The following PPFIA4 variants were observed in gnomAD, a reference collection of about 807,000 sequenced individuals.
PPFIA4 encodes the protein liprin-alpha-4.
Under a neutral mutation model 145.7 loss-of-function variants are expected in PPFIA4, and 98 were observed. The ratio of observed to expected loss-of-function variants is 0.67; its 90% confidence interval spans 0.57 to 0.80. The LOEUF is 0.80. Among genes scored for constraint, PPFIA4 ranks in the 30% least tolerant of loss-of-function variants. The pLI is 0.00. For missense variants in PPFIA4, 1,457 were observed against 1,632.7 expected (o/e 0.89, Z 1.85); for synonymous variants, 628 against 649.6 (o/e 0.97, Z 0.51).
intron 25 of PPFIA4, among the ~76,000 whole-genome samples, chr1:203,066,655 T>A (rs1461465997): frequency 2.8e-4 from 42 of 152,236 alleles, no homozygotes; most frequent in Non-Finnish European, 4.4e-5. Flanking sequence ...GAGCGTGGAC[T>A]GATGGCCTCC....
At chr1:203,074,568 A>G (rs1662389636) in intron 28 of PPFIA4, among the ~76,000 whole-genome samples, 1 of 152,042 alleles carries the variant, frequency 6.6e-6, no homozygotes, top group Admixed American at 6.5e-5. Flanking sequence ...AGAGCATTTG[A>G]CCCACTTGGC....
Position 203,051,559 on chromosome 1 carries a change from C to A in PPFIA4, c.1512-210C>A, listed in dbSNP as rs538749149. 6 of 924,802 alleles carry A rather than the reference C, an allele frequency of 6.5e-6. No homozygotes were observed. In the African/African-American group the frequency reaches 1.0e-4, roughly 16 times the overall value. 57.3% of individuals were successfully genotyped at this position (924,802 alleles called of 1,614,324 possible). On this transcript the variant is annotated intron_variant, in intron 13 of 29. Transcript: ENST00000295706. ...GAAAACCGCTCTCTGGAACTTTCTC[C>A]CCTGGCTCATTCTGACCCCTGGAGC...
At chr1:203,070,838 C>T (rs537170553) in intron 27 of PPFIA4, among the ~76,000 whole-genome samples, 7 of 152,288 alleles carry the variant, frequency 4.6e-5, no homozygotes, top group African/African-American at 1.4e-4. Context: ...CCATGGTTTA[C>T]ATGCTTACTT....
chr1:203,034,754 C>T (rs1401645249), intron 1 of PPFIA4: 1 of 455,280 alleles, frequency 2.2e-6, no homozygotes, highest in African/African-American at 2.0e-5. Flanking sequence ...GGGGAGCTGT[C>T]CTCCGGCTGC....
At chr1:203,051,634 T>G in intron 13 of PPFIA4, 135 bp from the exon 14 acceptor site, 1 of 1,444,666 alleles carries the variant, frequency 6.9e-7, no homozygotes. Flanking sequence ...CTTCAGACAT[T>G]TGTGACAGCT....
At chr1:203,076,139 C>T (rs1297330053) in intron 29 of PPFIA4, 3 of 637,056 alleles carry the variant, frequency 4.7e-6, no homozygotes, top group African/African-American at 1.8e-5. Context: ...CACGCACCTG[C>T]CCTTGGCTGC....
intron 24 of PPFIA4, among the ~76,000 whole-genome samples, chr1:203,061,979 C>T (rs1396587859): frequency 2.0e-5 from 3 of 152,118 alleles, no homozygotes; most frequent in Non-Finnish European, 4.4e-5. Flanking sequence ...GAGTCTTCTT[C>T]CTCTCCCTGT....
At chr1:203,032,430 T>TTTTTTTTTTTTGTTG (rs57892403) in intron 1 of PPFIA4, among the ~76,000 whole-genome samples, 1 of 139,378 alleles carries the variant, frequency 7.2e-6, no homozygotes, top group Non-Finnish European at 1.5e-5. Flanking sequence ...TCCCCGCTTT[T>TTTTTTTTTTTTGTTG]TTGTTGTTGT....
Position 203,048,914 on chromosome 1 carries a change from C to T in PPFIA4, c.1357-4C>T, listed in dbSNP as rs746212113. Reference sequence around the variant, plus strand: ...GGGCCTGGCTCACAGCTGCTCTCCCCCAGAACACGTTGATCCAGGAGTTGG... The same window carrying T: ...GGGCCTGGCTCACAGCTGCTCTCCCTCAGAACACGTTGATCCAGGAGTTGG... On this transcript the variant is annotated splice_region_variant and splice_polypyrimidine_tract_variant and intron_variant, in intron 11 of 29. Coordinates refer to ENST00000295706, the MANE Select transcript of PPFIA4 (RefSeq NM_001304331.2). This position sits in a 1 kb window ranked among gnomAD's most constrained non-coding sequence, Gnocchi z 5.8. 1 of 1,548,236 alleles carries T rather than the reference C, an allele frequency of 6.5e-7. No individual in the cohort carries two copies.
In PPFIA4 at chr1:203,075,322, C is replaced by T. The variant is rs1662443078; in HGVS notation, c.3394-255C>T. ...TTCAACTGCAGGATGGCAGACCCAA[C>T]AAGACTCTCCCCCGCCCCACACACC... On this transcript the variant is annotated intron_variant, in intron 28 of 29. Coordinates refer to ENST00000295706, the MANE Select transcript of PPFIA4 (RefSeq NM_001304331.2). This position sits in a 1 kb window ranked among gnomAD's most constrained non-coding sequence, Gnocchi z 4.1. Among the ~76,000 whole-genome samples, 1 of 152,162 alleles carries T rather than the reference C, an allele frequency of 6.6e-6. No homozygotes were observed. The highest frequency in any genetic ancestry group is 2.4e-5 in the African/African-American group (1 of 41,426).
chr1:203,063,894 C>T lies in PPFIA4; in HGVS notation c.2941C>T (p.Pro981Ser). The T allele has an allele frequency of 6.2e-7, 1 of 1,614,074 alleles. No homozygotes were observed. Residue 981 changes from proline (P) to serine (S), a missense_variant, in exon 25 of 30, where the codon CCG (proline) becomes TCG (serine). Coordinates refer to ENST00000295706, the MANE Select transcript of PPFIA4 (RefSeq NM_001304331.2). ...TGAATGGCTACCCAGCCTGGGGCTC[C>T]CGCAGTACCGCAGCTACTTCATGGA... ...GNEWLPSLGL[P>S]QYRSYFMECL...
At chr1:203,036,786 G>A (rs561523491) in intron 1 of PPFIA4, among the ~76,000 whole-genome samples, 1 of 152,362 alleles carries the variant, frequency 6.6e-6, no homozygotes, top group African/African-American at 2.4e-5. Context: ...GAGCAGGGAG[G>A]TGCGAGTAGG....
chr1:203,048,582 G>C lies in PPFIA4; in HGVS notation c.1225-1G>C. The stretch of plus-strand genomic sequence containing the variant: ...CTGGTGCGAGGCAGACGGCTGTGCA[G>C]GTGCGCCAGCGGGAAAAGATGAATG... On this transcript the variant is annotated splice_acceptor_variant, in intron 10 of 29. Transcript: ENST00000295706. LOFTEE classifies it high-confidence loss of function. This position sits in a 1 kb window ranked among gnomAD's most constrained non-coding sequence, Gnocchi z 5.8. 1 of 1,577,872 alleles carries C rather than the reference G, an allele frequency of 6.3e-7. No homozygotes were observed. Among genetic ancestry groups the C allele is most frequent in the Non-Finnish European group, 8.6e-7 (1 of 1,163,134 alleles).
chr1:203,075,663 C>T lies in PPFIA4; in HGVS notation c.3480C>T (p.Ser1160=). Residue 1160 remains serine, a synonymous_variant, in exon 29 of 30, where the codon AGC becomes AGT. Transcript: ENST00000295706. The surrounding 1 kb of genome is among the most constrained non-coding windows in gnomAD (Gnocchi z 4.1). ...REHHGRGGML[S]ASAETLPAGF... is the part of the protein sequence containing the mutation. ...ACCACGGTCGCGGCGGCATGCTCAG[C>T]GCTTCCGCGGAGACCCTCCCGGCGG... 3 of 1,507,326 alleles carry T rather than the reference C, an allele frequency of 2.0e-6. No homozygotes were observed. The South Asian group carries it at 3.8e-5, about 19-fold the overall frequency. The allele number at this position is 1,507,326 out of a possible 1,614,324, so 93.4% of individuals were successfully genotyped here. A position where few individuals can be genotyped will look rare whatever the true frequency, so the allele number is the denominator to read the frequency against.
At chr1:203,034,847 T>A (rs1290839141) in intron 1 of PPFIA4, 1 of 365,134 alleles carries the variant, frequency 2.7e-6, no homozygotes, top group Non-Finnish European at 5.5e-6. Context: ...CTCTTCTTCC[T>A]CCTTCTACCC....
Position 203,061,013 on chromosome 1 carries a change from T to C in PPFIA4, c.2828T>C (p.Leu943Pro). 1.9e-6 allele frequency: 3 copies of C among 1,614,036 alleles called. No individual in the cohort carries two copies. The highest frequency in any genetic ancestry group is 2.5e-6 in the Non-Finnish European group (3 of 1,179,880). Residue 943 changes from leucine (L) to proline (P), a missense_variant, in exon 23 of 30, where the codon CTG becomes CCG. Physicochemically the swap from Leu to Pro is moderately conservative, Grantham distance 98. This residue lies in a region of PPFIA4 where 848 missense variants were observed against 1,046.7 expected (regional missense o/e 0.81). Coordinates refer to ENST00000295706, the MANE Select transcript of PPFIA4 (RefSeq NM_001304331.2). Reference protein sequence around the residue: ...VWVTHEEMETLETSTKTDSEE... With the variant: ...VWVTHEEMETPETSTKTDSEE... ...GTCACCCATGAAGAGATGGAAACTC[T>C]GGAAACATCTACTAAAACAGTGAGT...
chr1:203,035,931 G>C (rs1030298090), intron 1 of PPFIA4, among the ~76,000 whole-genome samples: 2 of 152,212 alleles, frequency 1.3e-5, no homozygotes, highest in African/African-American at 4.8e-5. Flanking sequence ...GGAGTTGCTC[G>C]CTGGCACCTG....
Position 203,060,251 on chromosome 1 carries a change from C to T in PPFIA4, c.2618C>T (p.Ala873Val), listed in dbSNP as rs768058174. ...WVGMPAWYVAACRANVKSGAI... is the reference protein window; with the variant it reads ...WVGMPAWYVAVCRANVKSGAI... ...GGGATGCCTGCCTGGTATGTGGCAG[C>T]CTGCCGGGCCAACGTCAAGAGTGGT... Residue 873 changes from alanine (A) to valine (V), a missense_variant, in exon 22 of 30, where the codon GCC becomes GTC. Coordinates refer to ENST00000295706, the MANE Select transcript of PPFIA4 (RefSeq NM_001304331.2). The surrounding 1 kb of genome is among the most constrained non-coding windows in gnomAD (Gnocchi z 4.8). The T allele has an allele frequency of 1.9e-6, 3 of 1,614,004 alleles. No homozygotes were observed. Among genetic ancestry groups the T allele is most frequent in the South Asian group, 1.1e-5 (1 of 91,088 alleles).
chr1:203,036,510 G>C (rs992557488), intron 1 of PPFIA4, among the ~76,000 whole-genome samples: 1 of 151,656 alleles, frequency 6.6e-6, no homozygotes, highest in Admixed American at 6.6e-5. Context: ...CCCTAGCCTA[G>C]TCTTCTCTTT....
Sources: allele counts gnomAD v4.1 joint callset (sites outside exome capture counted in the v4.1 genomes callset), GRCh38; gene constraint gnomAD v4.1.1; regional missense constraint gnomAD v4.1.1; non-coding constraint Gnocchi (gnomAD v3.1); transcripts MANE v1.5; gene names NCBI Gene and HGNC (gene_info 2026-07-23, HGNC 2026-07-21).